Variants in FSIP2 observed in about 807,000 individuals in gnomAD.
FSIP2 encodes fibrous sheath interacting protein 2.
Under a neutral mutation model 510.5 loss-of-function variants are expected in FSIP2, and 367 were observed. The ratio of observed to expected loss-of-function variants is 0.72; its 90% CI spans 0.66 to 0.78. The LOEUF is 0.78. Ranked by LOEUF, FSIP2 falls within the 30% of genes least tolerant of loss-of-function variation. The pLI is 0.00. For synonymous variants in FSIP2, 2,601 were observed against 2,732.2 expected (o/e 0.95, Z 1.50); for missense variants, 7,594 against 7,901.7 (o/e 0.96, Z 1.48).
chr2:185,795,640 G>A lies in FSIP2; in HGVS notation c.8504G>A (p.Gly2835Asp). ...CTAGAGCACATTTTTCCTAGAGAAG[G>A]TATATTTAAAAAATTGTTTGACAAG... ...SQLEHIFPRE[G>D]IFKKLFDKWQ... The change falls in exon 16 of 23, where the codon GGT (glycine) becomes GAT (aspartate). Residue 2835 changes from glycine (G) to aspartate (D), a missense_variant. Transcript: ENST00000424728. The A allele has an allele frequency of 1.3e-6, 2 of 1,534,362 alleles. No individual in the cohort carries two copies. The highest frequency in any genetic ancestry group is 1.4e-5 in the African/African-American group (1 of 72,956).
At position 185,789,789 on chromosome 2, in the gene FSIP2, A is replaced by G. The variant is rs566709836; in HGVS notation, c.2653A>G (p.Asn885Asp). The G allele has an allele frequency of 1.3e-6, 2 of 1,534,064 alleles. No homozygotes were observed. The highest frequency in any genetic ancestry group is 4.9e-5 in the East Asian group (2 of 40,840). Residue 885 changes from asparagine to aspartate, a missense_variant, in exon 16 of 23, where the codon AAT becomes GAT. Transcript: ENST00000424728. ...LESDEASLIV[N>D]EEVQNLISNI... ...ATCTGATGAAGCTAGTTTAATTGTCAATGAAGAAGTACAAAATTTAATATC... is the reference window on the plus strand; with the variant it reads ...ATCTGATGAAGCTAGTTTAATTGTCGATGAAGAAGTACAAAATTTAATATC...
At position 185,793,838 on chromosome 2, in the gene FSIP2, G is replaced by T. The variant is rs10490392; in HGVS notation, c.6702G>T (p.Glu2234Asp). 0.54 allele frequency: 829,875 copies of T among 1,530,724 alleles called. 226,580 individuals are homozygous for T. Among genetic ancestry groups the T allele is most frequent in the South Asian group, 0.64 (53,286 of 83,402 alleles). The allele number at this position is 1,530,724 out of a possible 1,614,324, so 94.8% of individuals were successfully genotyped here. Reference sequence around the variant, plus strand: ...ATGATAATCAGATAACTGTAGTAGAGAAAGAAGACACTCAGAAATCTGCTA... The same window carrying T: ...ATGATAATCAGATAACTGTAGTAGATAAAGAAGACACTCAGAAATCTGCTA... ...YADDNQITVV[E>D]KEDTQKSATD... Residue 2234 changes from glutamate (E) to aspartate (D), a missense_variant, in exon 16 of 23, where the codon GAG becomes GAT. By Grantham distance (45) the Glu-to-Asp change is conservative. Coordinates refer to ENST00000424728, the MANE Select transcript of FSIP2 (RefSeq NM_173651.4).
At chr2:185,738,788 T>A (rs1175208848), upstream of FSIP2, 3 of 1,535,848 alleles carry the variant, frequency 2.0e-6, no homozygotes, top group African/African-American at 4.1e-5. Context: ...GGGGCTGAGG[T>A]CGTTGGGCTC....
At chr2:185,771,942 A>T (rs553650745) in intron 13 of FSIP2, among the ~76,000 whole-genome samples, 1 of 152,328 alleles carries the variant, frequency 6.6e-6, no homozygotes, top group East Asian at 1.9e-4. Context: ...CATTTCTCGA[A>T]TGCTTTGCTG....
rs1386106383 is a variant in FSIP2, at chr2:185,756,072, C to T, written c.992-120C>T. 8.4e-5 allele frequency: 32 copies of T among 380,982 alleles called. No homozygotes were observed. The East Asian group carries it at 1.0e-3, about 12-fold the overall frequency. The allele number at this position is 380,982 out of a possible 1,614,324, so 23.6% of individuals were successfully genotyped here. On this transcript the variant is annotated intron_variant, in intron 8 of 22. Transcript: ENST00000424728. ...TATCTTCTCCAATTTTTCTCGCAAT[C>T]CCACATACAGATTAGCATATAGTTC...
At position 185,808,324 on chromosome 2, in the gene FSIP2, G is replaced by A; in HGVS notation, c.19018G>A (p.Gly6340Ser). The change falls in exon 17 of 23, where the codon GGT becomes AGT. Residue 6340 changes from glycine (G) to serine (S), a missense_variant. Coordinates refer to ENST00000424728, the MANE Select transcript of FSIP2 (RefSeq NM_173651.4). ...KSKEKSSSRK[G>S]LTLDAKLLEE... ...TAAGGAAAAGTCTTCATCCAGAAAAGGTTTGACATTAGATGCCAAACTTTT... is the reference window on the plus strand; with the variant it reads ...TAAGGAAAAGTCTTCATCCAGAAAAAGTTTGACATTAGATGCCAAACTTTT... 1 of 1,609,790 alleles carries A rather than the reference G, an allele frequency of 6.2e-7. No homozygotes were observed. Among genetic ancestry groups the A allele is most frequent in the Non-Finnish European group, 8.5e-7 (1 of 1,178,554 alleles).
At chr2:185,758,450 T>C (rs773689572) in intron 9 of FSIP2, among the ~76,000 whole-genome samples, 7 of 151,486 alleles carry the variant, frequency 4.6e-5, no homozygotes, top group Middle Eastern at 3.4e-3. Context: ...ATGTATGTTA[T>C]ATGTATTATA....
upstream of FSIP2, among the ~76,000 whole-genome samples, chr2:185,737,754 A>C (rs912066923): frequency 2.0e-5 from 3 of 152,064 alleles, no homozygotes; most frequent in African/African-American, 7.2e-5. Context: ...ATTGTGGGAT[A>C]TCCATATGGA....
chr2:185,816,985 G>T lies in FSIP2; in HGVS notation c.20426+1514G>T, dbSNP rs987812692. On this transcript the variant is annotated intron_variant, in intron 19 of 22. Transcript: ENST00000424728. ...GAAGAAGGAAAGAAAAAAAGAAAAG[G>T]AAGGGAAGAAGGGGAGGGAGAGAGG... 2.1e-5 allele frequency among the ~76,000 whole-genome samples: 3 copies of T among 143,088 alleles called. No individual in the cohort carries two copies. In the East Asian group the frequency reaches 6.9e-4, roughly 33 times the overall value. The allele number at this position is 143,088 out of a possible 152,430, so 93.9% of individuals were successfully genotyped here. A position where few individuals can be genotyped will look rare whatever the true frequency, so the allele number is the denominator to read the frequency against.
At position 185,797,377 on chromosome 2, in the gene FSIP2, A is replaced by C. The variant is rs1324351749; in HGVS notation, c.10241A>C (p.Lys3414Thr). The C allele has an allele frequency of 6.5e-7, 1 of 1,528,876 alleles. No homozygotes were observed. Among genetic ancestry groups the C allele is most frequent in the African/African-American group, 1.4e-5 (1 of 72,376 alleles). The allele number at this position is 1,528,876 out of a possible 1,614,324, so 94.7% of individuals were successfully genotyped here. ...REDSSFLQKL[K>T]KKEYPKIETV... The stretch of plus-strand genomic sequence containing the variant: ...GATTCTTCTTTTTTGCAAAAATTGA[A>C]AAAAAAGGAGTACCCAAAGATAGAG... Residue 3414 changes from lysine to threonine, a missense_variant, in exon 16 of 23, where the codon AAA (lysine) becomes ACA (threonine). Lys to Thr is a moderately conservative substitution (Grantham distance 78, BLOSUM62 -1). Coordinates refer to ENST00000424728, the MANE Select transcript of FSIP2 (RefSeq NM_173651.4).
intron 2 of FSIP2, among the ~76,000 whole-genome samples, chr2:185,740,912 A>G (rs1293809025): frequency 6.6e-6 from 1 of 151,968 alleles, no homozygotes; most frequent in Non-Finnish European, 1.5e-5. Flanking sequence ...TCAATCTAAC[A>G]CACTAAATAA....
intron 19 of FSIP2, among the ~76,000 whole-genome samples, chr2:185,823,852 T>C (rs1468598272): frequency 1.3e-5 from 2 of 151,816 alleles, no homozygotes; most frequent in East Asian, 3.9e-4. Context: ...TGAATAAATA[T>C]AAACAAGCAA....
Position 185,816,663 on chromosome 2 carries a change from C to A in FSIP2, c.20426+1192C>A, listed in dbSNP as rs77044411. On this transcript the variant is annotated intron_variant, in intron 19 of 22. Transcript: ENST00000424728. ...AGCCAGCTTGGGCGACATAGCAAGA[C>A]CCTAACTCTACTAAAATAAAATAAA... is the stretch of plus-strand genomic sequence containing the variant. 4.5e-4 allele frequency among the ~76,000 whole-genome samples: 68 copies of A among 151,612 alleles called. 1 individual carries two copies. In the East Asian group the frequency reaches 0.013, roughly 29 times the overall value.
intron 6 of FSIP2, 135 bp from the exon 7 acceptor site, chr2:185,747,178 C>G: frequency 3.5e-6 from 2 of 569,536 alleles, no homozygotes; most frequent in Non-Finnish European, 6.3e-6. Context: ...CTAAACCGAA[C>G]GTATGCCTTT....
chr2:185,810,537 CTTTTTTTTTTTTT>C (rs11298474), intron 17 of FSIP2, among the ~76,000 whole-genome samples: 1 of 107,036 alleles, frequency 9.3e-6, no homozygotes, highest in African/African-American at 3.6e-5. Context: ...AGTTAAACCT[CTTTTTTTTTTTTT>C]TTTTTTTTTT....
rs1693521007 is a variant in FSIP2 at position 185,804,761 on chromosome 2, A to G, written c.15455A>G (p.Glu5152Gly). Residue 5152 changes from glutamate to glycine, a missense_variant, in exon 17 of 23, where the codon GAG (glutamate) becomes GGG (glycine). Physicochemically the swap from Glu to Gly is moderately conservative, Grantham distance 98. Coordinates refer to ENST00000424728, the MANE Select transcript of FSIP2 (RefSeq NM_173651.4). ...TTTCCACCGGATGATGAATTTGTGG[A>G]GGCAGCTTCAAAATTGACTGATGAA... ...KKFPPDDEFV[E>G]AASKLTDEII... 6.5e-7 allele frequency: 1 copy of G among 1,531,092 alleles called. No homozygotes were observed. The highest frequency in any genetic ancestry group is 1.4e-5 in the African/African-American group (1 of 72,636). The allele number at this position is 1,531,092 out of a possible 1,614,324, so 94.8% of individuals were successfully genotyped here. A position where few individuals can be genotyped will look rare whatever the true frequency, so the allele number is the denominator to read the frequency against.
chr2:185,777,489 A>G (rs1408948569), intron 13 of FSIP2, among the ~76,000 whole-genome samples: 1 of 150,370 alleles, frequency 6.7e-6, no homozygotes. Context: ...TTCTTTCTTA[A>G]TTAAAAAAAA....
Position 185,828,078 on chromosome 2 carries a change from A to C in FSIP2, c.20474-78A>C, listed in dbSNP as rs538023324. The stretch of plus-strand genomic sequence containing the variant: ...ATGATTCTTTGGTGAAAAATAAATA[A>C]TATGATCAGATTTGTGTCAACAAAT... On this transcript the variant is annotated intron_variant, in intron 20 of 22. Coordinates refer to ENST00000424728, the MANE Select transcript of FSIP2 (RefSeq NM_173651.4). 6.2e-6 allele frequency: 5 copies of C among 812,950 alleles called. No homozygotes were observed. In the Admixed American group the frequency reaches 6.6e-5, roughly 11 times the overall value. The allele number at this position is 812,950 out of a possible 1,614,324, so 50.4% of individuals were successfully genotyped here.
intron 19 of FSIP2, among the ~76,000 whole-genome samples, chr2:185,818,177 T>A (rs1033384287): frequency 6.6e-6 from 1 of 151,786 alleles, no homozygotes; most frequent in African/African-American, 2.4e-5. Context: ...ATATAACAAC[T>A]GAATTGAAAA....
Sources: gnomAD v4.1 joint callset for allele counts (sites outside exome capture counted in the v4.1 genomes callset) on GRCh38, gnomAD v4.1.1 for gene constraint, MANE v1.5 for transcripts, NCBI Gene and HGNC (gene_info 2026-07-23, HGNC 2026-07-21) for gene names.